The following UGGT1 variants were observed in gnomAD, a reference collection of about 807,000 sequenced individuals.
The protein encoded by UGGT1 is UDP-glucose:glycoprotein glucosyltransferase 1.
In UGGT1, 107 loss-of-function variants were observed where a neutral mutation model predicts 203.9. That is an observed-to-expected ratio of 0.52 (90% CI 0.45 to 0.62). The LOEUF (loss-of-function observed/expected upper bound fraction) is 0.62. Ranked by LOEUF, UGGT1 falls within the 20% of genes least tolerant of loss-of-function variation. The pLI is 0.00. For missense variants in UGGT1, 1,673 were observed against 1,867.2 expected (o/e 0.90, Z 1.92); for synonymous variants, 628 against 653.5 (o/e 0.96, Z 0.59).
chr2:128,186,231 A>T (rs565880907), intron 38 of UGGT1, among the ~76,000 whole-genome samples: 47 of 152,318 alleles, frequency 3.1e-4, no homozygotes, highest in African/African-American at 9.6e-4. Flanking sequence ...ATTGGTAAGG[A>T]CCTTTTCCAT....
chr2:128,156,355 A>C (rs773744998), intron 20 of UGGT1, 37 bp from the exon 21 acceptor site: 1 of 1,525,734 alleles, frequency 6.6e-7, no homozygotes, highest in South Asian at 1.1e-5. Context: ...CAGAAATGAT[A>C]CTTTTTTTCT....
Position 128,113,122 on chromosome 2 carries a change from C to T in UGGT1, c.560C>T (p.Pro187Leu). The stretch of plus-strand genomic sequence containing the variant: ...TTGTTCAAAGGAGATCACAGATATC[C>T]CTCGTCTAATCCTGAAAGCCCTGTG... ...PLLFKGDHRY[P>L]SSNPESPVVI... Residue 187 changes from proline (P) to leucine (L), a missense_variant, in exon 6 of 41, where the codon CCC becomes CTC. By Grantham distance (98) the Pro-to-Leu change is moderately conservative. Coordinates refer to ENST00000259253, the MANE Select transcript of UGGT1 (RefSeq NM_020120.4). 1 of 1,608,134 alleles carries T rather than the reference C, an allele frequency of 6.2e-7. No homozygotes were observed. The highest frequency in any genetic ancestry group is 1.1e-5 in the South Asian group (1 of 90,158).
intron 10 of UGGT1, 40 bp from the exon 11 acceptor site, chr2:128,123,146 A>C (rs1573530802): frequency 2.7e-6 from 4 of 1,505,312 alleles, no homozygotes; most frequent in Middle Eastern, 3.6e-4. Flanking sequence ...CTTTATATCA[A>C]ATATTAAGCC....
chr2:128,154,275 A>G (rs1453778499), intron 19 of UGGT1, among the ~76,000 whole-genome samples: 3 of 152,100 alleles, frequency 2.0e-5, no homozygotes, highest in African/African-American at 7.2e-5. Context: ...CATCATTTTT[A>G]TTTAAATTTG....
chr2:128,145,475 G>A (rs1168990268), intron 17 of UGGT1, among the ~76,000 whole-genome samples: 1 of 147,880 alleles, frequency 6.8e-6, no homozygotes, highest in Admixed American at 7.0e-5. Flanking sequence ...GTTCAGTTTT[G>A]ACAGCCTGTG....
At chr2:128,138,595 T>A (rs1689257294) in intron 15 of UGGT1, 122 bp from the exon 16 acceptor site, 2 of 1,181,082 alleles carry the variant, frequency 1.7e-6, no homozygotes, top group Non-Finnish European at 2.4e-6. Context: ...TGAACTGTGC[T>A]TTTCACTCAA....
chr2:128,119,518 T>C (rs997082574), intron 8 of UGGT1, among the ~76,000 whole-genome samples: 4 of 152,212 alleles, frequency 2.6e-5, no homozygotes, highest in South Asian at 2.1e-4. Flanking sequence ...GTAAATGTTA[T>C]ATCTCTGCCC....
chr2:128,164,313 C>G (rs556780796), intron 25 of UGGT1, among the ~76,000 whole-genome samples: 5 of 152,304 alleles, frequency 3.3e-5, no homozygotes, highest in Admixed American at 2.6e-4. Context: ...GCCAAAATAT[C>G]AGACCTTGTT....
At position 128,096,781 on chromosome 2, in the gene UGGT1, T is replaced by C. The variant is rs527322421; in HGVS notation, c.59-648T>C. On this transcript the variant is annotated intron_variant, in intron 1 of 40. Coordinates refer to ENST00000259253, the MANE Select transcript of UGGT1 (RefSeq NM_020120.4). The stretch of plus-strand genomic sequence containing the variant: ...ATTTATATTTTCATCTATCTCAGCT[T>C]TATTTGCTTTCATCCTTTATAAAAT... 2.0e-5 allele frequency among the ~76,000 whole-genome samples: 3 copies of C among 152,336 alleles called. No individual in the cohort carries two copies. The East Asian group carries it at 5.8e-4, about 29-fold the overall frequency.
At chr2:128,104,080 T>C (rs1687499509) in intron 3 of UGGT1, 66 bp downstream of exon 3, 3 of 1,279,922 alleles carry the variant, frequency 2.3e-6, no homozygotes, top group South Asian at 1.5e-5. Context: ...AAATTGTCTC[T>C]TTATAGTATG....
rs770480165 is a variant in UGGT1 at position 128,097,547 on chromosome 2, A to C, written c.177A>C (p.Pro59=). ...TTACAACAAAATGGTTTTCCACTCC[A>C]TTGTTGTTAGAAGCCAGGTAAGAGA... The part of the protein sequence containing the change: ...TSLTTKWFST[P]LLLEASEFLA... Residue 59 remains proline, a synonymous_variant, in exon 2 of 41, where the codon CCA becomes CCC. Transcript: ENST00000259253. 1.2e-6 allele frequency: 2 copies of C among 1,613,950 alleles called. No homozygotes were observed. The highest frequency in any genetic ancestry group is 2.2e-5 in the South Asian group (2 of 91,080).
rs377717515 is a variant in UGGT1 at position 128,183,807 on chromosome 2, A to G, written c.4359+18A>G. ...TTGATCAAGTAAGTGTCCATTTTTT[A>G]TGGTTAACTGTGAGTGACGGGTATA... On this transcript the variant is annotated intron_variant, in intron 38 of 40. Transcript: ENST00000259253. 8.8e-6 allele frequency: 14 copies of G among 1,587,578 alleles called. No homozygotes were observed. The highest frequency in any genetic ancestry group is 2.2e-5 in the South Asian group (2 of 90,488).
chr2:128,152,934 C>T (rs777235198), intron 19 of UGGT1, 30 bp downstream of exon 19: 2 of 1,606,352 alleles, frequency 1.2e-6, no homozygotes, highest in Non-Finnish European at 8.5e-7. Flanking sequence ...CAACCTTATG[C>T]TTTTTTTGAC....
rs59878869 is a variant in UGGT1 at position 128,147,158 on chromosome 2, C to T, written c.2016+1191C>T. On this transcript the variant is annotated intron_variant, in intron 18 of 40. Coordinates refer to ENST00000259253, the MANE Select transcript of UGGT1 (RefSeq NM_020120.4). ...CCTCCTCTCATTCTGGAAATATGCA[C>T]ATGGTGGTACTCTCTCATGTCCCAC... Among the ~76,000 whole-genome samples the T allele has an allele frequency of 9.5e-3, 1,445 of 152,320 alleles. 23 individuals carry two copies. The highest frequency in any genetic ancestry group is 0.032 in the African/African-American group (1,320 of 41,562).
chr2:128,123,274 GT>G (rs35139568), intron 11 of UGGT1, 28 bp downstream of exon 11: 2 of 1,591,386 alleles, frequency 1.3e-6, no homozygotes, highest in Non-Finnish European at 1.7e-6. Flanking sequence ...ATACTGACCT[GT>G]TTTGTATTCT....
At chr2:128,162,991 C>T (rs1386586444) in intron 25 of UGGT1, among the ~76,000 whole-genome samples, 2 of 152,184 alleles carry the variant, frequency 1.3e-5, no homozygotes, top group Non-Finnish European at 2.9e-5. Flanking sequence ...CTTGGAGTGG[C>T]CCCCTTCCCC....
chr2:128,130,926 C>A (rs1017921530), intron 13 of UGGT1, among the ~76,000 whole-genome samples: 2 of 152,002 alleles, frequency 1.3e-5, no homozygotes, highest in African/African-American at 4.8e-5. Flanking sequence ...TTACCTGACT[C>A]CTATTTAATA....
chr2:128,094,638 T>A (rs1409597907), intron 1 of UGGT1, among the ~76,000 whole-genome samples: 2 of 152,066 alleles, frequency 1.3e-5, no homozygotes, highest in Non-Finnish European at 2.9e-5. Context: ...TTCCCTTTTT[T>A]TACAAACCGT....
intron 18 of UGGT1, among the ~76,000 whole-genome samples, chr2:128,147,990 G>T (rs1689771502): frequency 1.3e-5 from 2 of 152,124 alleles, no homozygotes; most frequent in South Asian, 2.1e-4. Flanking sequence ...CCGTACCAGG[G>T]TTTATGTTGT....
Sources: gnomAD v4.1 joint callset for allele counts (sites outside exome capture counted in the v4.1 genomes callset) on GRCh38, gnomAD v4.1.1 for gene constraint, MANE v1.5 for transcripts, NCBI Gene and HGNC (gene_info 2026-07-23, HGNC 2026-07-21) for gene names.